AFAP1: variants seen among roughly 807,000 people sequenced by gnomAD.
The protein encoded by AFAP1 is actin filament-associated protein 1.
A neutral mutation model predicts 93.9 loss-of-function variants in AFAP1; 75 were observed. That is an observed-to-expected ratio of 0.80 (90% CI 0.66 to 0.97). The LOEUF (loss-of-function observed/expected upper bound fraction) is 0.97, where lower values mean the gene tolerates loss of function less well. AFAP1 is among the 50% of genes least tolerant of loss of function. The pLI is 0.00. For synonymous variants in AFAP1, 517 were observed against 430.7 expected (o/e 1.20, Z -2.48); for missense variants, 1,201 against 1,050.8 (o/e 1.14, Z -1.98).
chr4:7,842,878 G>T (rs907482879), intron 5 of AFAP1: 3 of 464,336 alleles, frequency 6.5e-6, no homozygotes, highest in Non-Finnish European at 1.2e-5. Context: ...CACAGGCCCT[G>T]CCCGGGAATG....
rs1305313863 is a variant in AFAP1 at position 7,866,741 on chromosome 4, A to G, written c.225+1881T>C. On this transcript the variant is annotated intron_variant, in intron 3 of 17. Transcript: ENST00000420658. ...GGACTTTAATATCACATTATATCTA[A>G]AAACAGCAAATGAGGCCAGGTGGGG... is the stretch of plus-strand genomic sequence containing the variant. Among the ~76,000 whole-genome samples the G allele has an allele frequency of 4.6e-5, 7 of 152,246 alleles. No individual in the cohort carries two copies. The East Asian group carries it at 1.4e-3, about 29-fold the overall frequency.
At chr4:7,902,751 G>A (rs1387233623) in intron 1 of AFAP1, among the ~76,000 whole-genome samples, 2 of 152,184 alleles carry the variant, frequency 1.3e-5, no homozygotes, top group Non-Finnish European at 2.9e-5. Context: ...AGTAAGGCAG[G>A]GAGTGCAGTG....
At chr4:7,839,140 G>C (rs1264916039) in intron 5 of AFAP1, among the ~76,000 whole-genome samples, 3 of 152,050 alleles carry the variant, frequency 2.0e-5, no homozygotes, top group Non-Finnish European at 4.4e-5. Context: ...TTCAAGACCA[G>C]CCTGGGCAAC....
chr4:7,874,604 C>T (rs10024625), intron 1 of AFAP1, among the ~76,000 whole-genome samples: 15,142 of 131,452 alleles, frequency 0.12, 1,422 homozygotes, highest in East Asian at 0.5. Context: ...GGGATGGTCT[C>T]GATCTCCTGA....
intron 6 of AFAP1, among the ~76,000 whole-genome samples, chr4:7,826,824 G>A (rs1228912887): frequency 6.6e-6 from 1 of 152,156 alleles, no homozygotes. Context: ...CCCTTCTCCA[G>A]GGAAATAGGA....
intron 4 of AFAP1, chr4:7,843,605 T>C (rs1289440825): frequency 4.8e-6 from 2 of 420,910 alleles, no homozygotes; most frequent in Non-Finnish European, 8.6e-6. Flanking sequence ...GACTGTTTCA[T>C]ATGGACGGGA....
At chr4:7,855,752 T>C (rs1305082257) in intron 3 of AFAP1, among the ~76,000 whole-genome samples, 178 bp from the exon 4 acceptor site, 2 of 152,176 alleles carry the variant, frequency 1.3e-5, no homozygotes, top group African/African-American at 4.8e-5. Flanking sequence ...CTCTCTTACT[T>C]TCCTGCGCAC....
chr4:7,904,816 C>G (rs548402203), intron 1 of AFAP1, among the ~76,000 whole-genome samples: 13 of 152,228 alleles, frequency 8.5e-5, no homozygotes, highest in South Asian at 4.1e-4. Context: ...AAGAGATTCT[C>G]GCACCTCAGC....
At chr4:7,913,380 C>T (rs1719883140) in intron 1 of AFAP1, among the ~76,000 whole-genome samples, 1 of 147,008 alleles carries the variant, frequency 6.8e-6, no homozygotes, top group Admixed American at 6.7e-5. Context: ...ACAGTAAGAC[C>T]CTGTCTCCAA....
chr4:7,932,863 T>C (rs756628371), intron 1 of AFAP1, among the ~76,000 whole-genome samples: 13 of 151,584 alleles, frequency 8.6e-5, no homozygotes, highest in South Asian at 2.1e-4. Context: ...CTACAAAAAA[T>C]ACAAAAATTA....
chr4:7,833,888 T>A (rs966530246), intron 6 of AFAP1, among the ~76,000 whole-genome samples: 1 of 152,082 alleles, frequency 6.6e-6, no homozygotes, highest in African/African-American at 2.4e-5. Flanking sequence ...GCGCCCGACC[T>A]GGAGGTTTCT....
chr4:7,843,229 C>G lies in AFAP1; in HGVS notation c.456G>C (p.Lys152Asn). The G allele has an allele frequency of 6.2e-7, 1 of 1,614,202 alleles. No individual in the cohort carries two copies. The highest frequency in any genetic ancestry group is 1.7e-5 in the Admixed American group (1 of 60,032). Residue 152 changes from lysine to asparagine, a missense_variant, in exon 5 of 18, where the codon AAG (lysine) becomes AAC (asparagine). Lys to Asn is a moderately conservative substitution (Grantham distance 94). Transcript: ENST00000420658. ...PSEEASMDLV[K>N]DAKICAFLLR... is the part of the protein sequence containing the mutation. ...GCAGGAAGGCGCAGATTTTGGCGTCCTTGACCAGGTCCATGGAGGCCTCCT... is the reference window on the plus strand; with the variant it reads ...GCAGGAAGGCGCAGATTTTGGCGTCGTTGACCAGGTCCATGGAGGCCTCCT...
chr4:7,824,685 G>A (rs1033700560), intron 6 of AFAP1, among the ~76,000 whole-genome samples: 1 of 152,124 alleles, frequency 6.6e-6, no homozygotes, highest in East Asian at 1.9e-4. Context: ...ACTCATGTGG[G>A]TGCTAAATAA....
At position 7,873,912 on chromosome 4, in the gene AFAP1, T is replaced by C. The variant is rs1018250899; in HGVS notation, c.-2-1832A>G. On this transcript the variant is annotated intron_variant, in intron 1 of 17. Coordinates refer to ENST00000420658, the MANE Select transcript of AFAP1 (RefSeq NM_001134647.2). ...AGCTCATCACTTCAAGGTAAACAACTGATACCATTTGTGGCCAAGAACAAA... is the reference window on the plus strand; with the variant it reads ...AGCTCATCACTTCAAGGTAAACAACCGATACCATTTGTGGCCAAGAACAAA... Among the ~76,000 whole-genome samples, 5 of 152,282 alleles carry C rather than the reference T, an allele frequency of 3.3e-5. No homozygotes were observed. In the South Asian group the frequency reaches 1.0e-3, roughly 32 times the overall value.
At chr4:7,803,076 C>A (rs1719203864) in intron 9 of AFAP1, among the ~76,000 whole-genome samples, 1 of 152,326 alleles carries the variant, frequency 6.6e-6, no homozygotes, top group South Asian at 2.1e-4. Flanking sequence ...ATGCTGAAAG[C>A]CGACACTTTT....
intron 6 of AFAP1, among the ~76,000 whole-genome samples, chr4:7,837,007 A>G (rs2149103461): frequency 6.6e-6 from 1 of 152,352 alleles, no homozygotes; most frequent in African/African-American, 2.4e-5. Context: ...CAAGTACAGC[A>G]CAACAGACAA....
chr4:7,858,594 T>TA (rs1715336033), intron 3 of AFAP1, among the ~76,000 whole-genome samples: 1 of 152,000 alleles, frequency 6.6e-6, no homozygotes, highest in African/African-American at 2.4e-5. Context: ...TTGTAAAAGG[T>TA]ACACAACAGG....
intron 8 of AFAP1, among the ~76,000 whole-genome samples, chr4:7,813,089 A>C (rs1720190267): frequency 6.6e-6 from 1 of 152,148 alleles, no homozygotes; most frequent in African/African-American, 2.4e-5. Flanking sequence ...CTTTGACCGC[A>C]TGGAGCCTGG....
At chr4:7,825,377 G>A (rs1406579140) in intron 6 of AFAP1, among the ~76,000 whole-genome samples, 1 of 152,038 alleles carries the variant, frequency 6.6e-6, no homozygotes, top group African/African-American at 2.4e-5. Context: ...ACCAAGACGT[G>A]GCCTTTACAA....
Sources: allele counts gnomAD v4.1 joint callset (sites outside exome capture counted in the v4.1 genomes callset), GRCh38; gene constraint gnomAD v4.1.1; transcripts MANE v1.5; gene names NCBI Gene and HGNC (gene_info 2026-07-23, HGNC 2026-07-21).